Variants in RFX4 observed in about 807,000 individuals in gnomAD.
RFX4 encodes the protein regulatory factor X4.
A neutral mutation model predicts 95.0 loss-of-function variants in RFX4; 10 were observed. The ratio of observed to expected loss-of-function variants is 0.11; its 90% confidence interval spans 0.06 to 0.18. RFX4 has a LOEUF of 0.18. Among genes scored for constraint, RFX4 ranks in the 10% least tolerant of loss-of-function variants. RFX4 has a pLI of 1.00. For missense variants in RFX4, 640 were observed against 922.0 expected (o/e 0.69, Z 3.96); for synonymous variants, 321 against 340.7 (o/e 0.94, Z 0.64).
rs1042532292 is a variant in RFX4 at position 106,623,270 on chromosome 12, G to A, written c.130+14387G>A. The stretch of plus-strand genomic sequence containing the variant: ...CTCAATCTGACCTCGTGATCTGCCC[G>A]CCTTGGCCTCCCAAAGTGCTGGGAT... On this transcript the variant is annotated intron_variant, in intron 2 of 17. Coordinates refer to ENST00000392842, the MANE Select transcript of RFX4 (RefSeq NM_213594.3). 3.2e-4 allele frequency among the ~76,000 whole-genome samples: 49 copies of A among 151,714 alleles called. 1 individual carries two copies. The highest frequency in any genetic ancestry group is 6.8e-4 in the African/African-American group (28 of 41,356).
intron 15 of RFX4, among the ~76,000 whole-genome samples, chr12:106,737,087 C>G (rs934842822): frequency 2.6e-5 from 4 of 151,450 alleles, no homozygotes; most frequent in Non-Finnish European, 4.4e-5. Flanking sequence ...AATCTTCCTC[C>G]AGACCCTCAC....
At chr12:106,744,679 C>T (rs1349405463) in intron 15 of RFX4, among the ~76,000 whole-genome samples, 1 of 152,186 alleles carries the variant, frequency 6.6e-6, no homozygotes, top group Non-Finnish European at 1.5e-5. Context: ...TAGCTAGTAC[C>T]TGGCAGAACC....
At chr12:106,642,914 T>C (rs2040661717) in intron 3 of RFX4, among the ~76,000 whole-genome samples, 1 of 152,150 alleles carries the variant, frequency 6.6e-6, no homozygotes, top group Non-Finnish European at 1.5e-5. Context: ...AGGTGGTTTA[T>C]TAGGGCATGC....
chr12:106,599,727 ATCCC>A (rs1174115241), intron 1 of RFX4, among the ~76,000 whole-genome samples: 1 of 151,544 alleles, frequency 6.6e-6, no homozygotes, highest in Non-Finnish European at 1.5e-5. Flanking sequence ...AAATTACTTC[ATCCC>A]TCCAGTTCAG....
At chr12:106,638,957 T>C (rs1405691484) in intron 2 of RFX4, among the ~76,000 whole-genome samples, 3 of 152,210 alleles carry the variant, frequency 2.0e-5, no homozygotes, top group Non-Finnish European at 4.4e-5. Context: ...GTCACAAATA[T>C]TCAGTCCATA....
intron 4 of RFX4, among the ~76,000 whole-genome samples, chr12:106,681,714 G>T (rs2041518388): frequency 6.6e-6 from 1 of 152,252 alleles, no homozygotes; most frequent in Non-Finnish European, 1.5e-5. Context: ...GGAGAGGCAG[G>T]TTCTGGACCA....
chr12:106,657,278 GC>G (rs1292137713), intron 4 of RFX4, among the ~76,000 whole-genome samples: 1 of 152,176 alleles, frequency 6.6e-6, no homozygotes, highest in Non-Finnish European at 1.5e-5. Context: ...TTTCAGCTTA[GC>G]TTTTGGAGAA....
chr12:106,632,930 T>G (rs1592874079), intron 2 of RFX4, among the ~76,000 whole-genome samples: 1 of 152,232 alleles, frequency 6.6e-6, no homozygotes, highest in African/African-American at 2.4e-5. Flanking sequence ...GGCTGATAAT[T>G]TATGGCCTCA....
intron 8 of RFX4, among the ~76,000 whole-genome samples, chr12:106,698,462 G>A (rs1406528709): frequency 6.6e-6 from 1 of 152,030 alleles, no homozygotes; most frequent in Non-Finnish European, 1.5e-5. Context: ...AAAAAAATTT[G>A]TAGAGATAGG....
chr12:106,674,095 G>A (rs1164067273), intron 4 of RFX4, among the ~76,000 whole-genome samples: 1 of 152,124 alleles, frequency 6.6e-6, no homozygotes, highest in African/African-American at 2.4e-5. Context: ...CTCTCCTCCT[G>A]CCACTCCCTC....
At chr12:106,710,326 A>G (rs1464974748) in intron 9 of RFX4, among the ~76,000 whole-genome samples, 6 of 152,136 alleles carry the variant, frequency 3.9e-5, no homozygotes, top group African/African-American at 9.7e-5. Flanking sequence ...GCCATCACCT[A>G]TTGATAAAGC....
At chr12:106,601,759 C>G (rs548078160) in intron 1 of RFX4, among the ~76,000 whole-genome samples, 1 of 152,198 alleles carries the variant, frequency 6.6e-6, no homozygotes, top group Non-Finnish European at 1.5e-5. Context: ...TCCTAACGGA[C>G]TCTTCCACCT....
chr12:106,601,871 T>G (rs988757376), intron 1 of RFX4, among the ~76,000 whole-genome samples: 1 of 152,232 alleles, frequency 6.6e-6, no homozygotes, highest in Non-Finnish European at 1.5e-5. Flanking sequence ...GCAGCCCTCC[T>G]GCCTGAAATG....
At chr12:106,752,750 T>C (rs927472687) in intron 17 of RFX4, among the ~76,000 whole-genome samples, 2 of 152,196 alleles carry the variant, frequency 1.3e-5, no homozygotes, top group Non-Finnish European at 2.9e-5. Context: ...CTACATCTCC[T>C]TGGGCTCCTC....
chr12:106,690,614 C>T (rs2041761214), intron 7 of RFX4, among the ~76,000 whole-genome samples: 1 of 152,150 alleles, frequency 6.6e-6, no homozygotes, highest in Non-Finnish European at 1.5e-5. Context: ...GCTCCTTCCA[C>T]CCTGCCCTAG....
intron 1 of RFX4, among the ~76,000 whole-genome samples, chr12:106,588,689 G>T (rs1261483789): frequency 1.3e-5 from 2 of 152,014 alleles, no homozygotes; most frequent in Non-Finnish European, 2.9e-5. Flanking sequence ...AATTACTTTT[G>T]CATCAACCCA....
intron 10 of RFX4, among the ~76,000 whole-genome samples, chr12:106,714,356 T>C (rs942284711): frequency 6.6e-6 from 1 of 152,184 alleles, no homozygotes; most frequent in African/African-American, 2.4e-5. Context: ...TTCAGTTGTT[T>C]TCATTATCAT....
At chr12:106,741,335 T>C (rs1190397496) in intron 15 of RFX4, among the ~76,000 whole-genome samples, 1 of 151,956 alleles carries the variant, frequency 6.6e-6, no homozygotes, top group African/African-American at 2.4e-5. Context: ...TACAGGTAAA[T>C]ATCAATATAT....
At chr12:106,753,405 T>A (rs1320111723) in intron 17 of RFX4, among the ~76,000 whole-genome samples, 1 of 152,138 alleles carries the variant, frequency 6.6e-6, no homozygotes, top group African/African-American at 2.4e-5. Flanking sequence ...CAGGACCTTA[T>A]TAGGTGCCAC....
Sources: allele counts gnomAD v4.1 joint callset (sites outside exome capture counted in the v4.1 genomes callset), GRCh38; gene constraint gnomAD v4.1.1; transcripts MANE v1.5; gene names NCBI Gene and HGNC (gene_info 2026-07-23, HGNC 2026-07-21).